Variants in CHMP4B observed in about 807,000 individuals in gnomAD.
The protein encoded by CHMP4B is charged multivesicular body protein 4B.
CHMP4B carries 1 observed loss-of-function variant against 25.1 expected under a neutral mutation model. The ratio of observed to expected loss-of-function variants is 0.04; its 90% confidence interval spans 0.01 to 0.19. The LOEUF is 0.19. Ranked by LOEUF, CHMP4B falls within the 10% of genes least tolerant of loss-of-function variation. The probability of loss-of-function intolerance (pLI) is 1.00; values close to 1 mark genes in which losing one functional copy is unlikely to be tolerated. For synonymous variants in CHMP4B, 101 were observed against 115.6 expected, an observed-to-expected ratio of 0.87 and a Z score of 0.81; for missense variants, 151 against 289.7, an observed-to-expected ratio of 0.52 and a Z score of 3.48.
chr20:33,819,749 C>T (rs1978881655), intron 1 of CHMP4B, among the ~76,000 whole-genome samples: 1 of 152,166 alleles, frequency 6.6e-6, no homozygotes, highest in South Asian at 2.1e-4. Context: ...GTTTGGTAAC[C>T]CAGGGTAAGC....
chr20:33,821,765 T>C (rs910101047), intron 1 of CHMP4B, among the ~76,000 whole-genome samples: 1 of 151,888 alleles, frequency 6.6e-6, no homozygotes, highest in Non-Finnish European at 1.5e-5. Flanking sequence ...TCTATTTTTT[T>C]AAAAAAGTTA....
chr20:33,811,355 C>CCTGCGG lies in CHMP4B; in HGVS notation c.-112_-107dup. On this transcript the variant is annotated 5_prime_UTR_variant, in exon 1 of 5. Coordinates refer to ENST00000217402, the MANE Select transcript of CHMP4B (RefSeq NM_176812.5). ...GGCGGAGGCGGAGGCGGAGGAGAGG[C>CCTGCGG]CTGCGGCGGCAGGGAGCGGCGGGAC... is the stretch of plus-strand genomic sequence containing the variant. 1.1e-6 allele frequency: 1 copy of CCTGCGG among 885,262 alleles called. No individual in the cohort carries two copies. Among genetic ancestry groups the CCTGCGG allele is most frequent in the Non-Finnish European group, 1.5e-6 (1 of 678,288 alleles). The allele number at this position is 885,262 out of a possible 1,614,324, so 54.8% of individuals were successfully genotyped here. A position where few individuals can be genotyped will look rare whatever the true frequency, so the allele number is the denominator to read the frequency against.
At chr20:33,825,404 C>T (rs1036890342) in intron 1 of CHMP4B, among the ~76,000 whole-genome samples, 4 of 152,296 alleles carry the variant, frequency 2.6e-5, no homozygotes, top group Admixed American at 6.5e-5. Context: ...GGCACATTCA[C>T]AGAGCGCTGG....
chr20:33,826,937 T>C (rs914843677), intron 1 of CHMP4B, among the ~76,000 whole-genome samples: 1 of 152,220 alleles, frequency 6.6e-6, no homozygotes, highest in Non-Finnish European at 1.5e-5. Context: ...TAATCTTCCT[T>C]TCATGTTTAT....
Position 33,853,556 on chromosome 20 carries a change from T to C in CHMP4B, c.671T>C (p.Met224Thr), listed in dbSNP as rs1979914665. Residue 224 changes from methionine (M) to threonine (T), a missense_variant, in exon 5 of 5, where the codon ATG becomes ACG. By Grantham distance (81) the Met-to-Thr change is moderately conservative. Around this residue, in one of 3 missense-constraint regions of CHMP4B, gnomAD observed 41 missense variants for 50.9 expected, o/e 0.81. Coordinates refer to ENST00000217402, the MANE Select transcript of CHMP4B (RefSeq NM_176812.5). The part of the protein sequence containing the change: ...MKELENWAGS[M>T] ...GAATTGGAGAACTGGGCTGGATCCATGTAATGGGGTCCAGCGCTGGCTGGG... is the reference window on the plus strand; with the variant it reads ...GAATTGGAGAACTGGGCTGGATCCACGTAATGGGGTCCAGCGCTGGCTGGG... 6.2e-7 allele frequency: 1 copy of C among 1,613,292 alleles called. No homozygotes were observed. Among genetic ancestry groups the C allele is most frequent in the Non-Finnish European group, 8.5e-7 (1 of 1,179,602 alleles).
intron 1 of CHMP4B, among the ~76,000 whole-genome samples, chr20:33,845,958 G>A (rs757172242): frequency 4.6e-5 from 7 of 152,154 alleles, no homozygotes; most frequent in African/African-American, 7.2e-5. Context: ...GAATTCTAAC[G>A]TCTTGCCTCT....
intron 1 of CHMP4B, among the ~76,000 whole-genome samples, chr20:33,836,591 G>A (rs1979398189): frequency 6.6e-6 from 1 of 151,970 alleles, no homozygotes; most frequent in Admixed American, 6.5e-5. Context: ...TTCACACATG[G>A]GTGCTGATCA....
At chr20:33,846,232 G>C (rs1201653812) in intron 1 of CHMP4B, among the ~76,000 whole-genome samples, 1 of 152,212 alleles carries the variant, frequency 6.6e-6, no homozygotes, top group East Asian at 1.9e-4. Flanking sequence ...TGAGTCACAG[G>C]ACATCTCTGA....
rs1301122687 is a variant in CHMP4B at position 33,853,619 on chromosome 20, G to A, written c.*59G>A. The A allele has an allele frequency of 2.0e-5, 29 of 1,432,118 alleles. No individual in the cohort carries two copies. The highest frequency in any genetic ancestry group is 4.2e-5 in the African/African-American group (3 of 71,236). The allele number at this position is 1,432,118 out of a possible 1,614,324, so 88.7% of individuals were successfully genotyped here. ...GTGGTGGCCTGCGCAGCGAGCAGGC[G>A]TGTGCGTGTGTGGGGCAGGCAGGAT... On this transcript the variant is annotated 3_prime_UTR_variant, in exon 5 of 5. Transcript: ENST00000217402.
intron 3 of CHMP4B, among the ~76,000 whole-genome samples, chr20:33,851,701 T>C (rs1467059106): frequency 6.6e-6 from 1 of 151,666 alleles, no homozygotes; most frequent in Non-Finnish European, 1.5e-5. Flanking sequence ...AACACCAGGG[T>C]TTTCATGTTT....
At chr20:33,824,908 A>G (rs1381787380) in intron 1 of CHMP4B, among the ~76,000 whole-genome samples, 1 of 152,210 alleles carries the variant, frequency 6.6e-6, no homozygotes, top group Middle Eastern at 3.2e-3. Context: ...AGCCACTGCA[A>G]ATAGAGCTCT....
chr20:33,825,278 C>T (rs1979064543), intron 1 of CHMP4B, among the ~76,000 whole-genome samples: 1 of 152,186 alleles, frequency 6.6e-6, no homozygotes, highest in Non-Finnish European at 1.5e-5. Flanking sequence ...TCACTATATA[C>T]CCACCGTCTT....
chr20:33,823,290 G>A (rs1978997693), intron 1 of CHMP4B, among the ~76,000 whole-genome samples: 1 of 152,056 alleles, frequency 6.6e-6, no homozygotes, highest in Non-Finnish European at 1.5e-5. Context: ...TGAGAAAGTC[G>A]AGGTTCAGAT....
chr20:33,811,435 C>G lies in CHMP4B; in HGVS notation c.-34C>G. 1 of 1,463,816 alleles carries G rather than the reference C, an allele frequency of 6.8e-7. No individual in the cohort carries two copies. Among genetic ancestry groups the G allele is most frequent in the Non-Finnish European group, 9.0e-7 (1 of 1,107,478 alleles). The allele number at this position is 1,463,816 out of a possible 1,614,324, so 90.7% of individuals were successfully genotyped here. A position where few individuals can be genotyped will look rare whatever the true frequency, so the allele number is the denominator to read the frequency against. Reference sequence around the variant, plus strand: ...CGAGCCGAGCCGAGCCGAGCCGGAGCGGGCGGCGAAGGCCGGCGCGGCGAG... The same window carrying G: ...CGAGCCGAGCCGAGCCGAGCCGGAGGGGGCGGCGAAGGCCGGCGCGGCGAG... On this transcript the variant is annotated 5_prime_UTR_variant, in exon 1 of 5. Coordinates refer to ENST00000217402, the MANE Select transcript of CHMP4B (RefSeq NM_176812.5).
intron 1 of CHMP4B, among the ~76,000 whole-genome samples, chr20:33,834,524 T>C (rs1224865510): frequency 1.3e-5 from 2 of 152,162 alleles, no homozygotes; most frequent in Non-Finnish European, 2.9e-5. Context: ...CGTTGCTCAG[T>C]CCCAAGCTGG....
chr20:33,825,599 G>A (rs886593791), intron 1 of CHMP4B, among the ~76,000 whole-genome samples: 1 of 152,220 alleles, frequency 6.6e-6, no homozygotes, highest in Non-Finnish European at 1.5e-5. Flanking sequence ...AGGCTACCCA[G>A]AGTGCTCAGT....
At chr20:33,831,476 C>T (rs1411141024) in intron 1 of CHMP4B, among the ~76,000 whole-genome samples, 6 of 151,960 alleles carry the variant, frequency 3.9e-5, no homozygotes, top group Non-Finnish European at 7.4e-5. Context: ...GTGATCCGCC[C>T]ACCTTGGCCT....
chr20:33,840,874 G>T (rs1213620997), intron 1 of CHMP4B, among the ~76,000 whole-genome samples: 1 of 152,120 alleles, frequency 6.6e-6, no homozygotes, highest in African/African-American at 2.4e-5. Context: ...TATGAGGTGC[G>T]TGTTGTTATC....
intron 2 of CHMP4B, 84 bp downstream of exon 2, chr20:33,848,728 A>G (rs1046733633): frequency 2.3e-5 from 33 of 1,433,828 alleles, no homozygotes; most frequent in Non-Finnish European, 3.1e-5. Context: ...GGGCAGACGG[A>G]TCCCTTGACT....
Sources: allele counts gnomAD v4.1 joint callset (sites outside exome capture counted in the v4.1 genomes callset), GRCh38; gene constraint gnomAD v4.1.1; regional missense constraint gnomAD v4.1.1; transcripts MANE v1.5; gene names NCBI Gene and HGNC (gene_info 2026-07-23, HGNC 2026-07-21).